The following GLIS3 variants were observed in gnomAD, a reference collection of about 807,000 sequenced individuals.
GLIS3 encodes the protein zinc finger protein GLIS3.
Under a neutral mutation model 78.6 loss-of-function variants are expected in GLIS3, and 53 were observed. That is an observed-to-expected ratio of 0.67 (90% CI 0.54 to 0.85). The LOEUF (loss-of-function observed/expected upper bound fraction) is 0.85, where lower values mean the gene tolerates loss of function less well. Ranked by LOEUF, GLIS3 falls within the 40% of genes least tolerant of loss-of-function variation. The pLI is 0.00. For synonymous variants in GLIS3, 684 were observed against 509.9 expected (o/e 1.34, Z -4.60); for missense variants, 1,703 against 1,231.1 (o/e 1.38, Z -5.74).
intron 2 of GLIS3, among the ~76,000 whole-genome samples, chr9:4,153,244 T>C (rs1411921862): frequency 1.3e-5 from 2 of 152,104 alleles, no homozygotes; most frequent in African/African-American, 4.8e-5. Context: ...AAGAATAAAA[T>C]AGTACTAATA....
At chr9:3,857,938 G>A (rs1211368928) in intron 8 of GLIS3, among the ~76,000 whole-genome samples, 1 of 152,168 alleles carries the variant, frequency 6.6e-6, no homozygotes, top group African/African-American at 2.4e-5. Context: ...ATGAGCAATT[G>A]TGAGATCATA....
chr9:4,072,243 T>G (rs1196566740), intron 4 of GLIS3, among the ~76,000 whole-genome samples: 1 of 152,226 alleles, frequency 6.6e-6, no homozygotes, highest in Non-Finnish European at 1.5e-5. Context: ...TAGTTAGGCT[T>G]GACCATTTTC....
At chr9:3,969,438 C>T (rs1818209536) in intron 4 of GLIS3, among the ~76,000 whole-genome samples, 1 of 152,228 alleles carries the variant, frequency 6.6e-6, no homozygotes, top group Non-Finnish European at 1.5e-5. Context: ...AATGTTTCCA[C>T]TCAAAGTAGA....
At chr9:4,473,466 A>AAAAAAAAAAAAAAAAAAAAAAAAAAAAAG in the GLIS3 span, among the ~76,000 whole-genome samples, 1 of 135,410 alleles carries the variant, frequency 7.4e-6, no homozygotes, top group African/African-American at 2.5e-5. Context: ...ACAACAAAAA[A>AAAAAAAAAAAAAAAAAAAAAAAAAAAAAG]AAAGGATCAT....
At chr9:4,308,233 C>T (rs1817278982) in intron 4 of GLIS3, among the ~76,000 whole-genome samples, 1 of 151,942 alleles carries the variant, frequency 6.6e-6, no homozygotes, top group South Asian at 2.1e-4. Context: ...AGTGAAAGGA[C>T]CCACAGCCCA....
intron 1 of GLIS3, among the ~76,000 whole-genome samples, chr9:4,296,260 C>A (rs1027459460): frequency 7.0e-6 from 1 of 143,584 alleles, no homozygotes; most frequent in Non-Finnish European, 1.5e-5. Context: ...TGTCCTCAGG[C>A]TTAATTTACT....
At chr9:4,112,226 AG>A (rs1435336000) in intron 4 of GLIS3, among the ~76,000 whole-genome samples, 1 of 152,204 alleles carries the variant, frequency 6.6e-6, no homozygotes, top group East Asian at 1.9e-4. Flanking sequence ...ATGGACACTC[AG>A]TTGAAAGCCT....
chr9:4,085,059 A>G (rs754755074), intron 4 of GLIS3, among the ~76,000 whole-genome samples: 1 of 152,080 alleles, frequency 6.6e-6, no homozygotes, highest in Non-Finnish European at 1.5e-5. Flanking sequence ...ATAAAATTAT[A>G]TACTCAACAG....
At chr9:3,835,609 C>T (rs1280255782) in intron 9 of GLIS3, among the ~76,000 whole-genome samples, 1 of 152,192 alleles carries the variant, frequency 6.6e-6, no homozygotes, top group Non-Finnish European at 1.5e-5. Context: ...GTGTGCTTGC[C>T]TTTGCTGCAA....
chr9:4,344,481 C>T (rs1056287048), intron 2 of GLIS3, among the ~76,000 whole-genome samples: 1 of 152,188 alleles, frequency 6.6e-6, no homozygotes, highest in Non-Finnish European at 1.5e-5. Context: ...TCTGCCTCCT[C>T]CTCTCACCTC....
chr9:4,489,721 A>G, the GLIS3 span, among the ~76,000 whole-genome samples: 1 of 152,154 alleles, frequency 6.6e-6, no homozygotes, highest in Admixed American at 6.5e-5. Context: ...TCCGGTTCTC[A>G]GTTCTAATCA....
intron 9 of GLIS3, among the ~76,000 whole-genome samples, chr9:3,840,324 C>T (rs1588063234): frequency 1.3e-5 from 2 of 152,154 alleles, no homozygotes; most frequent in East Asian, 3.8e-4. Flanking sequence ...ATTTGGTTAT[C>T]ATTTTTGCCT....
chr9:4,105,655 A>G (rs1202281517), intron 4 of GLIS3, among the ~76,000 whole-genome samples: 1 of 152,080 alleles, frequency 6.6e-6, no homozygotes, highest in Non-Finnish European at 1.5e-5. Context: ...TTTTTTCCGA[A>G]GTTCTGAATT....
intron 9 of GLIS3, among the ~76,000 whole-genome samples, chr9:3,848,035 G>A (rs1371122400): frequency 1.3e-5 from 2 of 152,126 alleles, no homozygotes; most frequent in African/African-American, 4.8e-5. Flanking sequence ...TTACAATGTT[G>A]ATTTATAATC....
chr9:4,247,816 T>C (rs1823940665), intron 2 of GLIS3, among the ~76,000 whole-genome samples: 1 of 152,216 alleles, frequency 6.6e-6, no homozygotes, highest in Non-Finnish European at 1.5e-5. Flanking sequence ...CAATGTGATG[T>C]TTTGATATAT....
chr9:4,209,321 A>AT (rs1467652584), intron 2 of GLIS3, among the ~76,000 whole-genome samples: 2 of 152,156 alleles, frequency 1.3e-5, no homozygotes, highest in East Asian at 3.8e-4. Context: ...TTTCTGGGAC[A>AT]TTTTGATGCA....
intron 4 of GLIS3, among the ~76,000 whole-genome samples, chr9:3,967,952 G>A (rs974809576): frequency 3.3e-5 from 5 of 152,112 alleles, no homozygotes; most frequent in African/African-American, 9.7e-5. Flanking sequence ...TTTGTTGTTT[G>A]AAAATAAGAC....
At chr9:4,314,405 C>T (rs1483046000) in intron 2 of GLIS3, among the ~76,000 whole-genome samples, 1 of 152,112 alleles carries the variant, frequency 6.6e-6, no homozygotes, top group Non-Finnish European at 1.5e-5. Context: ...CTTCCCCACT[C>T]CATGCAAAAA....
chr9:4,193,474 G>A (rs530784895), intron 2 of GLIS3, among the ~76,000 whole-genome samples: 1 of 152,218 alleles, frequency 6.6e-6, no homozygotes, highest in African/African-American at 2.4e-5. Flanking sequence ...TGTTATAGAA[G>A]ATGGATAAAA....
Sources: gnomAD v4.1 joint callset for allele counts (sites outside exome capture counted in the v4.1 genomes callset) on GRCh38, gnomAD v4.1.1 for gene constraint, MANE v1.5 for transcripts, NCBI Gene and HGNC (gene_info 2026-07-23, HGNC 2026-07-21) for gene names.